The following VSTM2B variants were observed in gnomAD, a reference collection of about 807,000 sequenced individuals.
The protein encoded by VSTM2B is V-set and transmembrane domain containing 2B.
A neutral mutation model predicts 24.0 loss-of-function variants in VSTM2B; 24 were observed. The observed-to-expected ratio is 1.00, with a 90% confidence interval of 0.72 to 1.40. The LOEUF is 1.40. VSTM2B is among the 40% of genes most tolerant of loss of function. The probability of loss-of-function intolerance (pLI) is 0.00; values close to 1 mark genes in which losing one functional copy is unlikely to be tolerated. For synonymous variants in VSTM2B, 226 were observed against 194.4 expected (o/e 1.16, Z -1.35); for missense variants, 399 against 416.4 (o/e 0.96, Z 0.36).
chr19:29,538,637 A>G (rs10423086), intron 4 of VSTM2B, among the ~76,000 whole-genome samples: 81,563 of 152,070 alleles, frequency 0.54, 22,743 homozygotes, highest in African/African-American at 0.69. Flanking sequence ...CAGGCTGTGC[A>G]AGCAAGGCAC....
At chr19:29,535,363 G>A (rs928511751) in intron 4 of VSTM2B, among the ~76,000 whole-genome samples, 4 of 152,150 alleles carry the variant, frequency 2.6e-5, no homozygotes, top group African/African-American at 4.8e-5. Context: ...TGGTGTGTTG[G>A]CCAGAGGTTC....
At chr19:29,554,318 C>A (rs909475474) in intron 4 of VSTM2B, among the ~76,000 whole-genome samples, 1 of 152,186 alleles carries the variant, frequency 6.6e-6, no homozygotes, top group Non-Finnish European at 1.5e-5. Flanking sequence ...TCCAGCCAAA[C>A]TAAACTTTAT....
At chr19:29,530,661 G>C (rs2145465227) in intron 4 of VSTM2B, among the ~76,000 whole-genome samples, 1 of 152,276 alleles carries the variant, frequency 6.6e-6, no homozygotes, top group South Asian at 2.1e-4. Flanking sequence ...CACCACCGGT[G>C]GTGGAAATGA....
At position 29,527,270 on chromosome 19, in the gene VSTM2B, C is replaced by T. The variant is rs751468685; in HGVS notation, c.142C>T (p.Pro48Ser). Residue 48 changes from proline to serine, a missense_variant, in exon 2 of 5, where the codon CCC (proline) becomes TCC (serine). By Grantham distance (74) the Pro-to-Ser change is moderately conservative. Transcript: ENST00000335523. ...ACGGGAGGGAGACGACATCGAAATG[C>T]CCTGCGCGTTCCGGGCCAGCGGAGC... ...TVREGDDIEM[P>S]CAFRASGATS... The T allele has an allele frequency of 6.5e-6, 10 of 1,550,368 alleles. No homozygotes were observed. The Admixed American group carries it at 7.8e-5, about 12-fold the overall frequency.
chr19:29,535,301 C>T (rs771439579), intron 4 of VSTM2B, among the ~76,000 whole-genome samples: 8 of 152,136 alleles, frequency 5.3e-5, no homozygotes, highest in Non-Finnish European at 1.0e-4. Flanking sequence ...GAAAAGGCAC[C>T]GCAGTAAAGT....
intron 4 of VSTM2B, among the ~76,000 whole-genome samples, chr19:29,558,003 GA>G (rs35979480): frequency 6.6e-6 from 1 of 151,706 alleles, no homozygotes; most frequent in East Asian, 1.9e-4. Context: ...AAATTTACAA[GA>G]AAAAAACAAC....
At chr19:29,527,071 C>A (rs964766394) in intron 1 of VSTM2B, 140 bp from the exon 2 acceptor site, 3 of 763,332 alleles carry the variant, frequency 3.9e-6, no homozygotes, top group South Asian at 3.7e-5. Flanking sequence ...CTTTGCTAGC[C>A]CCTCCGGCCG....
At chr19:29,555,301 A>G (rs987609190) in intron 4 of VSTM2B, among the ~76,000 whole-genome samples, 8 of 152,250 alleles carry the variant, frequency 5.3e-5, no homozygotes, top group Non-Finnish European at 1.2e-4. Flanking sequence ...TAGCTCCTGA[A>G]TGACTCCTGA....
chr19:29,534,303 T>G lies in VSTM2B; in HGVS notation c.769+4013T>G, dbSNP rs569040653. 2.0e-5 allele frequency among the ~76,000 whole-genome samples: 3 copies of G among 152,278 alleles called. No homozygotes were observed. In the East Asian group the frequency reaches 5.8e-4, roughly 30 times the overall value. Reference sequence around the variant, plus strand: ...TCCATTCCCTGTCTGGGCCTCCCTTTGGCCAAACCCTCCTGGAACCTGAAG... The same window carrying G: ...TCCATTCCCTGTCTGGGCCTCCCTTGGGCCAAACCCTCCTGGAACCTGAAG... On this transcript the variant is annotated intron_variant, in intron 4 of 4. Coordinates refer to ENST00000335523, the MANE Select transcript of VSTM2B (RefSeq NM_001146339.2).
intron 4 of VSTM2B, among the ~76,000 whole-genome samples, chr19:29,562,038 G>C (rs1970539915): frequency 6.6e-6 from 1 of 152,154 alleles, no homozygotes; most frequent in Non-Finnish European, 1.5e-5. Context: ...TCTCAGCCGG[G>C]GCCCAGAACT....
chr19:29,537,021 C>T (rs1022081196), intron 4 of VSTM2B, among the ~76,000 whole-genome samples: 1 of 152,124 alleles, frequency 6.6e-6, no homozygotes, highest in Non-Finnish European at 1.5e-5. Flanking sequence ...AAAGCATTAT[C>T]TTTTTTATTC....
Position 29,557,273 on chromosome 19 carries a change from A to G in VSTM2B, c.770-6573A>G, listed in dbSNP as rs1296668171. ...CCATCTGATCTTTGACAAACCTGAC[A>G]AAAACAAGCAATGGGGAAAGGATTC... On this transcript the variant is annotated intron_variant, in intron 4 of 4. Transcript: ENST00000335523. 2.0e-5 allele frequency among the ~76,000 whole-genome samples: 3 copies of G among 152,268 alleles called. No individual in the cohort carries two copies. In the East Asian group the frequency reaches 5.8e-4, roughly 29 times the overall value.
At chr19:29,530,878 C>G (rs571983308) in intron 4 of VSTM2B, among the ~76,000 whole-genome samples, 1 of 152,144 alleles carries the variant, frequency 6.6e-6, no homozygotes, top group South Asian at 2.1e-4. Flanking sequence ...ATCGCAGATC[C>G]TCTCCCTTTG....
chr19:29,527,625 T>A (rs538765016), intron 2 of VSTM2B, among the ~76,000 whole-genome samples: 2 of 152,314 alleles, frequency 1.3e-5, no homozygotes, highest in South Asian at 2.1e-4. Flanking sequence ...CAGAACTCCA[T>A]TCACGCCCAG....
At chr19:29,533,429 A>G (rs1969808653) in intron 4 of VSTM2B, among the ~76,000 whole-genome samples, 1 of 152,118 alleles carries the variant, frequency 6.6e-6, no homozygotes, top group South Asian at 2.1e-4. Flanking sequence ...CTGTGTAGAC[A>G]CATCTCAGAA....
chr19:29,536,848 A>C (rs1408413400), intron 4 of VSTM2B, among the ~76,000 whole-genome samples: 1 of 152,226 alleles, frequency 6.6e-6, no homozygotes, highest in Non-Finnish European at 1.5e-5. Context: ...GGATTCCCCA[A>C]GCATCCGTGG....
At chr19:29,544,449 C>G (rs1970097268) in intron 4 of VSTM2B, among the ~76,000 whole-genome samples, 1 of 139,432 alleles carries the variant, frequency 7.2e-6, no homozygotes, top group African/African-American at 2.7e-5. Context: ...TGGCGTGAAC[C>G]CGGGAGGCGG....
At chr19:29,553,565 A>G (rs148805335) in intron 4 of VSTM2B, among the ~76,000 whole-genome samples, 1 of 152,316 alleles carries the variant, frequency 6.6e-6, no homozygotes, top group East Asian at 1.9e-4. Flanking sequence ...AATGATTGCA[A>G]CATCTCTCCA....
chr19:29,552,044 A>G (rs1970296028), intron 4 of VSTM2B, among the ~76,000 whole-genome samples: 1 of 152,226 alleles, frequency 6.6e-6, no homozygotes, highest in Non-Finnish European at 1.5e-5. Context: ...GGACATTGGA[A>G]CAGACAGTGT....
Sources: gnomAD v4.1 joint callset for allele counts (sites outside exome capture counted in the v4.1 genomes callset) on GRCh38, gnomAD v4.1.1 for gene constraint, MANE v1.5 for transcripts, NCBI Gene and HGNC (gene_info 2026-07-23, HGNC 2026-07-21) for gene names.